Variants in LRP1 observed in about 807,000 individuals in gnomAD.
LRP1 encodes prolow-density lipoprotein receptor-related protein 1.
Under a neutral mutation model 541.5 loss-of-function variants are expected in LRP1, and 51 were observed. The ratio of observed to expected loss-of-function variants is 0.09; its 90% CI spans 0.08 to 0.12. The LOEUF (loss-of-function observed/expected upper bound fraction) is 0.12, where lower values mean the gene tolerates loss of function less well. LRP1 is among the 10% of genes least tolerant of loss of function. The pLI is 1.00. For synonymous variants in LRP1, 2,219 were observed against 2,470.8 expected, an observed-to-expected ratio of 0.90 and a Z score of 3.02; for missense variants, 3,878 against 6,376.2, an observed-to-expected ratio of 0.61 and a Z score of 13.34.
At chr12:57,176,681 G>C (rs2036053374) in intron 24 of LRP1, among the ~76,000 whole-genome samples, 1 of 152,154 alleles carries the variant, frequency 6.6e-6, no homozygotes, top group South Asian at 2.1e-4. Flanking sequence ...CAACGAGGGG[G>C]GAGGCTAAGT....
rs1206981394 is a variant in LRP1 at position 57,197,129 on chromosome 12, C to T, written c.9040C>T (p.Arg3014Cys). The T allele has an allele frequency of 1.9e-6, 3 of 1,613,818 alleles. No homozygotes were observed. Among genetic ancestry groups the T allele is most frequent in the Admixed American group, 1.7e-5 (1 of 60,002 alleles). The change falls in exon 56 of 89, where the codon CGC (arginine) becomes TGC (cysteine). Residue 3014 changes from arginine to cysteine, a missense_variant. Physicochemically the swap from Arg to Cys is radical, Grantham distance 180. Around this residue, in one of 13 missense-constraint regions of LRP1, gnomAD observed 1,100 missense variants for 1,827.4 expected, o/e 0.60. Coordinates refer to ENST00000243077, the MANE Select transcript of LRP1 (RefSeq NM_002332.3). The surrounding 1 kb of genome is among the most constrained non-coding windows in gnomAD (Gnocchi z 4.5). ...KCLCVEGYAP[R>C]GGDPHSCKAV... ...TCTGTGTGTGGAGGGCTATGCACCC[C>T]GCGGCGGCGACCCCCACAGCTGCAA... is the stretch of plus-strand genomic sequence containing the variant.
rs2035288942 is a variant in LRP1, at chr12:57,141,442, C to A, written c.259C>A (p.Pro87Thr). 1.2e-6 allele frequency: 2 copies of A among 1,614,058 alleles called. No individual in the cohort carries two copies. Among genetic ancestry groups the A allele is most frequent in the African/African-American group, 1.3e-5 (1 of 74,926 alleles). The change falls in exon 3 of 89, where the codon CCC becomes ACC. Residue 87 changes from proline to threonine, a missense_variant. Around this residue, in one of 13 missense-constraint regions of LRP1, gnomAD observed 293 missense variants for 403.7 expected, o/e 0.73. Transcript: ENST00000243077. ...CTGCCTGGGTACTGAGCTGTGTGTTCCCATGTCCCGCCTCTGCAATGGGGT... is the reference window on the plus strand; with the variant it reads ...CTGCCTGGGTACTGAGCTGTGTGTTACCATGTCCCGCCTCTGCAATGGGGT... ...HNCLGTELCVPMSRLCNGVQD... is the reference protein window; with the variant it reads ...HNCLGTELCVTMSRLCNGVQD...
chr12:57,185,838 C>T lies in LRP1; in HGVS notation c.6771C>T (p.Phe2257=). 1 of 1,614,180 alleles carries T rather than the reference C, an allele frequency of 6.2e-7. No individual in the cohort carries two copies. The highest frequency in any genetic ancestry group is 1.1e-5 in the South Asian group (1 of 91,084). Residue 2257 remains phenylalanine (F), a synonymous_variant, in exon 41 of 89, where the codon TTC becomes TTT. Coordinates refer to ENST00000243077, the MANE Select transcript of LRP1 (RefSeq NM_002332.3). The surrounding 1 kb of genome is among the most constrained non-coding windows in gnomAD (Gnocchi z 4.9). ...CGGGCACCCCCAATCGCATCTTCTT[C>T]AGCGACATCCACTTTGGGAACATCC... ...TSPGTPNRIF[F]SDIHFGNIQQ... is the part of the protein sequence containing the mutation.
intron 54 of LRP1, 33 bp from the exon 55 acceptor site, chr12:57,196,054 C>A (rs1273703794): frequency 6.2e-7 from 1 of 1,610,104 alleles, no homozygotes; most frequent in Non-Finnish European, 8.5e-7. Flanking sequence ...CTGCCTGAGA[C>A]CCCGCTGACC....
At chr12:57,208,612 C>T in intron 77 of LRP1, 99 bp from the exon 78 acceptor site, 1 of 716,718 alleles carries the variant, frequency 1.4e-6, no homozygotes, top group Non-Finnish European at 2.4e-6. Context: ...TCCCAGTCCC[C>T]AGCAGTCCCT....
Position 57,145,960 on chromosome 12 carries a change from C to T in LRP1, c.841+470C>T, listed in dbSNP as rs545317365. On this transcript the variant is annotated intron_variant, in intron 6 of 88. Transcript: ENST00000243077. ...TCGGGGACCATTGCCAATGGACTCT[C>T]TGCTGCCATCGGGGGAGGGCAGTAC... Among the ~76,000 whole-genome samples the T allele has an allele frequency of 9.4e-4, 143 of 152,300 alleles. 2 individuals are homozygous for T. In the Middle Eastern group the frequency reaches 0.027, roughly 29 times the overall value.
Position 57,154,077 on chromosome 12 carries a change from G to A in LRP1, c.842-131G>A. 2.5e-6 allele frequency: 2 copies of A among 803,838 alleles called. No homozygotes were observed. The highest frequency in any genetic ancestry group is 4.2e-6 in the Non-Finnish European group (2 of 479,268). The allele number at this position is 803,838 out of a possible 1,614,324, so 49.8% of individuals were successfully genotyped here. A position where few individuals can be genotyped will look rare whatever the true frequency, so the allele number is the denominator to read the frequency against. The stretch of plus-strand genomic sequence containing the variant: ...CTCCTGTATATCCACTCTGAGCTAA[G>A]CATGGGGGTGTTGGGTGGGAGGGCG... On this transcript the variant is annotated intron_variant, in intron 6 of 88. Transcript: ENST00000243077. The surrounding 1 kb of genome is among the most constrained non-coding windows in gnomAD (Gnocchi z 4.6).
chr12:57,173,445 T>A lies in LRP1; in HGVS notation c.3346+95T>A. The A allele has an allele frequency of 7.4e-7, 1 of 1,358,564 alleles. No homozygotes were observed. The highest frequency in any genetic ancestry group is 1.0e-6 in the Non-Finnish European group (1 of 984,934). The allele number at this position is 1,358,564 out of a possible 1,614,324, so 84.2% of individuals were successfully genotyped here. ...AGTAGCGGCAAAGGGGATGGCACTGTGCTGTGTGGAGTGGTGCTGGGGACA... is the reference window on the plus strand; with the variant it reads ...AGTAGCGGCAAAGGGGATGGCACTGAGCTGTGTGGAGTGGTGCTGGGGACA... On this transcript the variant is annotated intron_variant, in intron 21 of 88. Coordinates refer to ENST00000243077, the MANE Select transcript of LRP1 (RefSeq NM_002332.3). The surrounding 1 kb of genome is among the most constrained non-coding windows in gnomAD (Gnocchi z 4.7).
rs1400619617 is a variant in LRP1 at position 57,156,241 on chromosome 12, G to A, written c.1375G>A (p.Gly459Ser). ...CCAGGTTGTCACCCGGGTGGACAAGGGTGGTGCCCTCCACATCTACCACCA... is the reference window on the plus strand; with the variant it reads ...CCAGGTTGTCACCCGGGTGGACAAGAGTGGTGCCCTCCACATCTACCACCA... ...EYQVVTRVDK[G>S]GALHIYHQRR... Residue 459 changes from glycine (G) to serine (S), a missense_variant, in exon 9 of 89, where the codon GGT becomes AGT. Gly to Ser is a moderately conservative substitution (Grantham distance 56). Coordinates refer to ENST00000243077, the MANE Select transcript of LRP1 (RefSeq NM_002332.3). The surrounding 1 kb of genome is among the most constrained non-coding windows in gnomAD (Gnocchi z 5.2). 1.2e-6 allele frequency: 2 copies of A among 1,614,188 alleles called. No individual in the cohort carries two copies. The highest frequency in any genetic ancestry group is 1.7e-6 in the Non-Finnish European group (2 of 1,180,032).
intron 34 of LRP1, among the ~76,000 whole-genome samples, chr12:57,182,353 C>T (rs1359016436): frequency 6.6e-6 from 1 of 151,560 alleles, no homozygotes; most frequent in African/African-American, 2.4e-5. Flanking sequence ...TCTACTAAAA[C>T]CACAAAAATT....
At chr12:57,140,376 A>T (rs994748773) in intron 2 of LRP1, among the ~76,000 whole-genome samples, 1 of 152,254 alleles carries the variant, frequency 6.6e-6, no homozygotes, top group Non-Finnish European at 1.5e-5. Flanking sequence ...GTAGCCACTT[A>T]AAAAAGGTAA....
rs1380656783 is a variant in LRP1 at position 57,177,800 on chromosome 12, G to A, written c.4361+209G>A. On this transcript the variant is annotated intron_variant, in intron 26 of 88. Transcript: ENST00000243077. The surrounding 1 kb of genome is among the most constrained non-coding windows in gnomAD (Gnocchi z 6.8). ...GGCAGGTAGAGGAGGCGGAAGCAGG[G>A]CCATCAGCTGTGGTTATTCACACTG... 1.3e-5 allele frequency among the ~76,000 whole-genome samples: 2 copies of A among 152,126 alleles called. No homozygotes were observed. Among genetic ancestry groups the A allele is most frequent in the Non-Finnish European group, 2.9e-5 (2 of 68,012 alleles).
rs753683252 is a variant in LRP1 at position 57,158,363 on chromosome 12, G to T, written c.1562-39G>T. On this transcript the variant is annotated intron_variant, in intron 10 of 88. Coordinates refer to ENST00000243077, the MANE Select transcript of LRP1 (RefSeq NM_002332.3). This position sits in a 1 kb window ranked among gnomAD's most constrained non-coding sequence, Gnocchi z 5.3. ...GCCCCTGGGTGGGGATGATGGTCAT[G>T]TGTGTGTCTGACTGTACCCTGGCTT... 4 of 1,517,412 alleles carry T rather than the reference G, an allele frequency of 2.6e-6. No homozygotes were observed. Among genetic ancestry groups the T allele is most frequent in the Non-Finnish European group, 3.6e-6 (4 of 1,107,178 alleles). The allele number at this position is 1,517,412 out of a possible 1,614,324, so 94.0% of individuals were successfully genotyped here. A position where few individuals can be genotyped will look rare whatever the true frequency, so the allele number is the denominator to read the frequency against.
At chr12:57,131,715 G>A (rs2035043114) in intron 1 of LRP1, among the ~76,000 whole-genome samples, 1 of 152,146 alleles carries the variant, frequency 6.6e-6, no homozygotes, top group Non-Finnish European at 1.5e-5. Flanking sequence ...GTTTAGGGCT[G>A]CTTCACTAGA....
chr12:57,198,817 T>C, intron 60 of LRP1, 147 bp downstream of exon 60: 3 of 834,770 alleles, frequency 3.6e-6, no homozygotes, highest in Non-Finnish European at 3.8e-6. Flanking sequence ...GGTGTGGGGT[T>C]CAGAGCACCC....
At position 57,178,529 on chromosome 12, in the gene LRP1, A is replaced by G; in HGVS notation, c.4532A>G (p.Asn1511Ser). The G allele has an allele frequency of 6.2e-7, 1 of 1,614,250 alleles. No individual in the cohort carries two copies. Among genetic ancestry groups the G allele is most frequent in the Non-Finnish European group, 8.5e-7 (1 of 1,180,040 alleles). ...AAGGCCAACAAGTGGACCGGCCACA[A>G]TGTCACCGTGGTACAGAGGACCAAC... ...LAKANKWTGH[N>S]VTVVQRTNTQ... Residue 1511 changes from asparagine (N) to serine (S), a missense_variant, in exon 27 of 89, where the codon AAT becomes AGT. Asn to Ser is a conservative substitution (Grantham distance 46). Around this residue, in one of 13 missense-constraint regions of LRP1, gnomAD observed 54 missense variants for 167.7 expected, o/e 0.32. Transcript: ENST00000243077. The surrounding 1 kb of genome is among the most constrained non-coding windows in gnomAD (Gnocchi z 5.8).
At position 57,165,939 on chromosome 12, in the gene LRP1, C is replaced by T. The variant is rs779519900; in HGVS notation, c.2665C>T (p.Leu889Phe). The T allele has an allele frequency of 4.3e-6, 7 of 1,614,034 alleles. No individual in the cohort carries two copies. The highest frequency in any genetic ancestry group is 5.9e-6 in the Non-Finnish European group (7 of 1,180,026). Residue 889 changes from leucine (L) to phenylalanine (F), a missense_variant, in exon 16 of 89, where the codon CTC becomes TTC. This residue lies in a region of LRP1 where 496 missense variants were observed against 861.0 expected (regional missense o/e 0.58). Transcript: ENST00000243077. This position sits in a 1 kb window ranked among gnomAD's most constrained non-coding sequence, Gnocchi z 4.5. ...GGACAACAGTGATGAGGCCCCAGCC[C>T]TCTGCCGTGAGTCACACGCCCTGCC... ...CLDNSDEAPA[L>F]CHQHTCPSDR...
In LRP1 at chr12:57,197,260, G is replaced by A; in HGVS notation, c.9077-39G>A. On this transcript the variant is annotated intron_variant, in intron 56 of 88. Coordinates refer to ENST00000243077, the MANE Select transcript of LRP1 (RefSeq NM_002332.3). The surrounding 1 kb of genome is among the most constrained non-coding windows in gnomAD (Gnocchi z 4.5). Reference sequence around the variant, plus strand: ...GACAGGCAGGAGACCAGGGCCGCTAGAATGTGCCAGGAGCTGAGGCAAGAT... The same window carrying A: ...GACAGGCAGGAGACCAGGGCCGCTAAAATGTGCCAGGAGCTGAGGCAAGAT... 2 of 1,613,410 alleles carry A rather than the reference G, an allele frequency of 1.2e-6. No individual in the cohort carries two copies. The highest frequency in any genetic ancestry group is 2.7e-5 in the African/African-American group (2 of 75,048).
In LRP1 at chr12:57,195,738, G is replaced by A. The variant is rs1339803264; in HGVS notation, c.8518G>A (p.Asp2840Asn). ...CCCCAAGCACTTCGTGTGTGACCAC[G>A]ACCGTGACTGTGCAGATGGCTCTGA... ...CIPKHFVCDH[D>N]RDCADGSDES... The change falls in exon 53 of 89, where the codon GAC becomes AAC. Residue 2840 changes from aspartate to asparagine, a missense_variant. Physicochemically the swap from Asp to Asn is conservative, Grantham distance 23. This residue lies in a region of LRP1 where 1,100 missense variants were observed against 1,827.4 expected (regional missense o/e 0.60). Coordinates refer to ENST00000243077, the MANE Select transcript of LRP1 (RefSeq NM_002332.3). 1.2e-6 allele frequency: 2 copies of A among 1,614,060 alleles called. No individual in the cohort carries two copies. Among genetic ancestry groups the A allele is most frequent in the East Asian group, 2.2e-5 (1 of 44,898 alleles).
Sources: allele counts gnomAD v4.1 joint callset (sites outside exome capture counted in the v4.1 genomes callset), GRCh38; gene constraint gnomAD v4.1.1; regional missense constraint gnomAD v4.1.1; non-coding constraint Gnocchi (gnomAD v3.1); transcripts MANE v1.5; gene names NCBI Gene and HGNC (gene_info 2026-07-23, HGNC 2026-07-21).